The following RIC3 variants were observed in gnomAD, a reference collection of about 807,000 sequenced individuals.
RIC3 encodes the protein protein RIC-3.
A neutral mutation model predicts 27.3 loss-of-function variants in RIC3; 28 were observed. The ratio of observed to expected loss-of-function variants is 1.02; its 90% CI spans 0.76 to 1.41. The LOEUF (loss-of-function observed/expected upper bound fraction) is 1.41, where lower values mean the gene tolerates loss of function less well. Among genes scored for constraint, RIC3 ranks in the 40% most tolerant of loss-of-function variants. RIC3 has a pLI of 0.00. For missense variants in RIC3, 501 were observed against 444.7 expected (o/e 1.13, Z -1.14); for synonymous variants, 184 against 160.4 (o/e 1.15, Z -1.11).
At chr11:8,093,239 A>G in the RIC3 span, among the ~76,000 whole-genome samples, 2 of 152,016 alleles carry the variant, frequency 1.3e-5, no homozygotes, top group South Asian at 4.2e-4. Context: ...GGAGTTGATC[A>G]CTGAGGGGGG....
At chr11:8,125,050 A>G (rs10732512) in intron 5 of RIC3, among the ~76,000 whole-genome samples, 72,878 of 151,730 alleles carry the variant, frequency 0.48, 19,206 homozygotes, top group African/African-American at 0.7. Context: ...TCAGGAGATC[A>G]AGACCATCCT....
chr11:8,137,801 A>G (rs1227432957), intron 3 of RIC3, among the ~76,000 whole-genome samples: 4 of 141,794 alleles, frequency 2.8e-5, no homozygotes, highest in African/African-American at 7.8e-5. Context: ...CCTGACATAC[A>G]TTCTAGTCTA....
At position 8,108,617 on chromosome 11, in the gene RIC3, G is replaced by T. The variant is rs1944918537; in HGVS notation, c.*2081C>A. 1 of 152,166 alleles carries T rather than the reference G, an allele frequency of 6.6e-6. No individual in the cohort carries two copies. Among genetic ancestry groups the T allele is most frequent in the African/African-American group, 2.4e-5 (1 of 41,416 alleles). 9.4% of individuals were successfully genotyped at this position (152,166 alleles called of 1,614,324 possible). On this transcript the variant is annotated 3_prime_UTR_variant, in exon 6 of 6. Coordinates refer to ENST00000309737, the MANE Select transcript of RIC3 (RefSeq NM_001206671.4). ...ACCCAAGATTCCACAGCTAGAAAATGCAGGGACAGATTATGGCTCATGTTT... is the reference window on the plus strand; with the variant it reads ...ACCCAAGATTCCACAGCTAGAAAATTCAGGGACAGATTATGGCTCATGTTT...
intron 1 of RIC3, among the ~76,000 whole-genome samples, chr11:8,168,031 A>G (rs1200427020): frequency 2.0e-5 from 3 of 152,226 alleles, no homozygotes; most frequent in Non-Finnish European, 4.4e-5. Flanking sequence ...CAGTTTAAAC[A>G]TTACTGGAAG....
At chr11:8,167,378 G>T (rs1184351624) in intron 1 of RIC3, among the ~76,000 whole-genome samples, 1 of 152,178 alleles carries the variant, frequency 6.6e-6, no homozygotes, top group Non-Finnish European at 1.5e-5. Flanking sequence ...AGTGTCATCA[G>T]GGGAAGTCTC....
chr11:8,098,845 C>G, the RIC3 span: 5 of 1,613,970 alleles, frequency 3.1e-6, no homozygotes, highest in African/African-American at 6.7e-5. Flanking sequence ...AAAGTGGAAC[C>G]TTACGTCAGG....
At chr11:8,093,989 T>C in the RIC3 span, 679 of 1,608,094 alleles carry the variant, frequency 4.2e-4, 1 homozygote, top group Non-Finnish European at 5.1e-4. Context: ...AGGTGGGAGC[T>C]CTGGTCTCAC....
chr11:8,100,637 C>T, the RIC3 span: 118 of 1,593,886 alleles, frequency 7.4e-5, no homozygotes, highest in Non-Finnish European at 9.2e-5. Context: ...CTTTCCCCAT[C>T]ATCCTAGTCT....
rs1427705756 is a variant in RIC3 at position 8,109,131 on chromosome 11, C to A, written c.*1567G>T. 1 of 152,196 alleles carries A rather than the reference C, an allele frequency of 6.6e-6. No individual in the cohort carries two copies. The highest frequency in any genetic ancestry group is 1.9e-4 in the East Asian group (1 of 5,204). 9.4% of individuals were successfully genotyped at this position (152,196 alleles called of 1,614,324 possible). ...TCTGTAACTCAATTAACAATAAATG[C>A]CTAGTAGTAGCTGACAGATTATCTT... On this transcript the variant is annotated 3_prime_UTR_variant, in exon 6 of 6. Transcript: ENST00000309737.
At chr11:8,099,154 C>T in the RIC3 span, among the ~76,000 whole-genome samples, 1 of 152,090 alleles carries the variant, frequency 6.6e-6, no homozygotes, top group Non-Finnish European at 1.5e-5. Flanking sequence ...CAGAAGGAGA[C>T]GGTCGCCCTG....
At chr11:8,136,214 C>G (rs1362907149) in intron 4 of RIC3, among the ~76,000 whole-genome samples, 1 of 152,148 alleles carries the variant, frequency 6.6e-6, no homozygotes, top group African/African-American at 2.4e-5. Context: ...TCATATCCAG[C>G]CAAAGACAGG....
At chr11:8,102,354 G>A (rs754934255), downstream of RIC3, 13 of 152,230 alleles carry the variant, frequency 8.5e-5, no homozygotes, top group Admixed American at 8.5e-4. Context: ...GGGCTGTCTT[G>A]GTGGATGGGC....
rs1398527607 is a variant in RIC3, at chr11:8,139,985, T to C, written c.333A>G (p.Ile111Met). Residue 111 changes from isoleucine to methionine, a missense_variant, in exon 2 of 6, where the codon ATA becomes ATG. Physicochemically the swap from Ile to Met is conservative, Grantham distance 10. Transcript: ENST00000309737. ...TACTTACCTTAAATAGAATGTACAG[T>C]ATATATAAAAAAATCCCAAAACCGT... ...PIYGFGIFLY[I>M]LYILFKLSKG... 3 of 1,613,788 alleles carry C rather than the reference T, an allele frequency of 1.9e-6. No homozygotes were observed. The highest frequency in any genetic ancestry group is 2.5e-6 in the Non-Finnish European group (3 of 1,179,774).
At chr11:8,097,133 C>T in the RIC3 span, 131 of 1,387,602 alleles carry the variant, frequency 9.4e-5, no homozygotes, top group African/African-American at 1.6e-3. Context: ...CCCTCTCTCC[C>T]ACCGCCACGT....
rs1590475688 is a variant in RIC3 at position 8,169,007 on chromosome 11, G to T, written c.-18C>A. The T allele has an allele frequency of 6.4e-7, 1 of 1,558,102 alleles. No individual in the cohort carries two copies. Among genetic ancestry groups the T allele is most frequent in the African/African-American group, 1.4e-5 (1 of 70,616 alleles). On this transcript the variant is annotated 5_prime_UTR_variant, in exon 1 of 6. Transcript: ENST00000309737. Reference sequence around the variant, plus strand: ...TACGCCATGACTGCTCACGGTGGTCGCAGGTGCAGACGCCAGCCGGAACCG... The same window carrying T: ...TACGCCATGACTGCTCACGGTGGTCTCAGGTGCAGACGCCAGCCGGAACCG...
intron 5 of RIC3, among the ~76,000 whole-genome samples, chr11:8,124,568 A>G (rs1042414539): frequency 2.0e-5 from 3 of 152,230 alleles, no homozygotes; most frequent in African/African-American, 7.2e-5. Flanking sequence ...TGAAGGAAAT[A>G]GCCAAAATAA....
At chr11:8,113,803 G>C (rs1278984334) in intron 5 of RIC3, among the ~76,000 whole-genome samples, 1 of 152,148 alleles carries the variant, frequency 6.6e-6, no homozygotes, top group Non-Finnish European at 1.5e-5. Context: ...CTAGCCTTCA[G>C]ACACATCCAT....
chr11:8,138,190 G>T, intron 3 of RIC3, 82 bp downstream of exon 3: 1 of 965,138 alleles, frequency 1.0e-6, no homozygotes, highest in Non-Finnish European at 1.6e-6. Flanking sequence ...ATGCTTTTAA[G>T]ACATACCCAC....
At chr11:8,116,234 A>C (rs1945853068) in intron 5 of RIC3, among the ~76,000 whole-genome samples, 1 of 152,246 alleles carries the variant, frequency 6.6e-6, no homozygotes, top group Non-Finnish European at 1.5e-5. Context: ...CATGCAAAAC[A>C]GTGAAATTAG....
Sources: allele counts gnomAD v4.1 joint callset (sites outside exome capture counted in the v4.1 genomes callset), GRCh38; gene constraint gnomAD v4.1.1; transcripts MANE v1.5; gene names NCBI Gene and HGNC (gene_info 2026-07-23, HGNC 2026-07-21).